The following TMEM87B variants were observed in gnomAD, a reference collection of about 807,000 sequenced individuals.
The protein encoded by TMEM87B is transmembrane protein 87B.
In TMEM87B, 83 loss-of-function variants were observed where a neutral mutation model predicts 80.3. The ratio of observed to expected loss-of-function variants is 1.03; its 90% CI spans 0.87 to 1.24. The LOEUF (loss-of-function observed/expected upper bound fraction) is 1.24, where lower values mean the gene tolerates loss of function less well. Ranked by LOEUF, TMEM87B falls within the 50% of genes most tolerant of loss-of-function variation. The pLI is 0.00. For missense variants in TMEM87B, 625 were observed against 674.4 expected (o/e 0.93, Z 0.81); for synonymous variants, 219 against 230.5 (o/e 0.95, Z 0.45).
At chr2:112,110,519 A>G (rs1679882301) in intron 17 of TMEM87B, among the ~76,000 whole-genome samples, 1 of 151,470 alleles carries the variant, frequency 6.6e-6, no homozygotes, top group Non-Finnish European at 1.5e-5. Flanking sequence ...TTTGATTTTC[A>G]TTTTCCTTCT....
At chr2:112,111,774 A>AT (rs1173571014) in intron 17 of TMEM87B, among the ~76,000 whole-genome samples, 2 of 152,216 alleles carry the variant, frequency 1.3e-5, no homozygotes, top group Non-Finnish European at 2.9e-5. Context: ...GTATTATGAG[A>AT]TATTGGTATG....
intron 4 of TMEM87B, among the ~76,000 whole-genome samples, chr2:112,074,111 A>AT (rs1482023256): frequency 1.3e-5 from 2 of 152,098 alleles, no homozygotes; most frequent in Non-Finnish European, 2.9e-5. Flanking sequence ...TGATCGTGTC[A>AT]TCATGTTGTT....
At chr2:112,092,499 A>C (rs968550069) in intron 11 of TMEM87B, among the ~76,000 whole-genome samples, 1 of 152,146 alleles carries the variant, frequency 6.6e-6, no homozygotes, top group Admixed American at 6.6e-5. Flanking sequence ...GTCAGTGAGA[A>C]CTCTGGTGAC....
Position 112,085,930 on chromosome 2 carries a change from C to T in TMEM87B, c.839-75C>T, listed in dbSNP as rs1213121198. 3 of 1,190,496 alleles carry T rather than the reference C, an allele frequency of 2.5e-6. No homozygotes were observed. In the African/African-American group the frequency reaches 4.5e-5, roughly 18 times the overall value. 73.7% of individuals were successfully genotyped at this position (1,190,496 alleles called of 1,614,324 possible). ...AGTTCGAATGTAGTTATACACAGGA[C>T]ATGTTGTTGAGAATCTTGGTTGGCA... On this transcript the variant is annotated intron_variant, in intron 8 of 18. Coordinates refer to ENST00000283206, the MANE Select transcript of TMEM87B (RefSeq NM_032824.3).
intron 13 of TMEM87B, 40 bp downstream of exon 13, chr2:112,097,331 A>G (rs1679501159): frequency 6.7e-7 from 1 of 1,483,712 alleles, no homozygotes; most frequent in Non-Finnish European, 9.2e-7. Flanking sequence ...ATTTTTATTT[A>G]TACTATTTTG....
At chr2:112,107,419 A>G (rs1454531647) in intron 16 of TMEM87B, among the ~76,000 whole-genome samples, 1 of 151,844 alleles carries the variant, frequency 6.6e-6, no homozygotes, top group Non-Finnish European at 1.5e-5. Context: ...TTATAAACTC[A>G]TTATATAAGA....
Position 112,117,247 on chromosome 2 carries a change from A to G in TMEM87B, c.*1104A>G, listed in dbSNP as rs1680048890. 3 of 152,198 alleles carry G rather than the reference A, an allele frequency of 2.0e-5. No individual in the cohort carries two copies. Among genetic ancestry groups the G allele is most frequent in the Non-Finnish European group, 4.4e-5 (3 of 68,036 alleles). 9.4% of individuals were successfully genotyped at this position (152,198 alleles called of 1,614,324 possible). ...AAAATGTGAATGTTTTGCTGCTTTC[A>G]TGACCAAAGATACAGGGCTAGTGGA... On this transcript the variant is annotated 3_prime_UTR_variant, in exon 19 of 19. Coordinates refer to ENST00000283206, the MANE Select transcript of TMEM87B (RefSeq NM_032824.3).
chr2:112,104,987 T>C lies in TMEM87B; in HGVS notation c.1451-1015T>C, dbSNP rs563703978. ...TATCTAAATCAGAGCAGTGGTTGCTTTTGGTGAGGTGGGGATTGACCAGAA... is the reference window on the plus strand; with the variant it reads ...TATCTAAATCAGAGCAGTGGTTGCTCTTGGTGAGGTGGGGATTGACCAGAA... On this transcript the variant is annotated intron_variant, in intron 15 of 18. Coordinates refer to ENST00000283206, the MANE Select transcript of TMEM87B (RefSeq NM_032824.3). Among the ~76,000 whole-genome samples, 5 of 152,176 alleles carry C rather than the reference T, an allele frequency of 3.3e-5. No homozygotes were observed. The South Asian group carries it at 1.0e-3, about 32-fold the overall frequency.
At chr2:112,060,575 C>T (rs1678222374) in intron 2 of TMEM87B, among the ~76,000 whole-genome samples, 1 of 150,194 alleles carries the variant, frequency 6.7e-6, no homozygotes. Flanking sequence ...CTTTCTCTGT[C>T]ACCCAGGCTG....
At chr2:112,091,902 G>T (rs928841755) in intron 11 of TMEM87B, 119 bp downstream of exon 11, 19 of 740,144 alleles carry the variant, frequency 2.6e-5, no homozygotes, top group African/African-American at 7.2e-5. Flanking sequence ...TAATACGAGG[G>T]TTCACTTGAA....
chr2:112,109,032 A>C (rs778107519), intron 17 of TMEM87B, among the ~76,000 whole-genome samples: 5 of 152,182 alleles, frequency 3.3e-5, no homozygotes, highest in Non-Finnish European at 7.4e-5. Context: ...ATGTCATCGC[A>C]TTTATGAGTT....
In TMEM87B at chr2:112,119,032, A is replaced by G. The variant is rs200562654; in HGVS notation, c.*2889A>G. The G allele has an allele frequency of 1.3e-5, 2 of 152,220 alleles. No individual in the cohort carries two copies. The highest frequency in any genetic ancestry group is 1.9e-4 in the East Asian group (1 of 5,200). 9.4% of individuals were successfully genotyped at this position (152,220 alleles called of 1,614,324 possible). ...TACTGGTTAAACATATTGAATGTATATAAGTGGCAAAACTAGATTTTTAAG... is the reference window on the plus strand; with the variant it reads ...TACTGGTTAAACATATTGAATGTATGTAAGTGGCAAAACTAGATTTTTAAG... On this transcript the variant is annotated 3_prime_UTR_variant, in exon 19 of 19. Coordinates refer to ENST00000283206, the MANE Select transcript of TMEM87B (RefSeq NM_032824.3).
intron 6 of TMEM87B, 126 bp downstream of exon 6, chr2:112,077,408 A>G (rs1678859388): frequency 6.7e-6 from 3 of 448,102 alleles, no homozygotes; most frequent in Non-Finnish European, 1.2e-5. Flanking sequence ...TTAATCATAC[A>G]TTTATTTTAG....
intron 15 of TMEM87B, 197 bp from the exon 16 acceptor site, chr2:112,105,805 T>C (rs1050550073): frequency 1.2e-5 from 5 of 417,918 alleles, no homozygotes; most frequent in Non-Finnish European, 2.1e-5. Flanking sequence ...TGACAAATAG[T>C]TTCCAAAAAT....
intron 18 of TMEM87B, among the ~76,000 whole-genome samples, chr2:112,115,795 T>C (rs1433909885): frequency 6.6e-6 from 1 of 152,126 alleles, no homozygotes; most frequent in African/African-American, 2.4e-5. Context: ...TATATGGTTA[T>C]TTTTTAATTT....
intron 2 of TMEM87B, 80 bp downstream of exon 2, chr2:112,060,117 G>A: frequency 7.3e-7 from 1 of 1,361,132 alleles, no homozygotes; most frequent in Non-Finnish European, 9.6e-7. Context: ...GGAGGCCGAG[G>A]CAGGTGGATC....
intron 11 of TMEM87B, among the ~76,000 whole-genome samples, chr2:112,094,681 C>G (rs1220743328): frequency 6.6e-6 from 1 of 152,068 alleles, no homozygotes; most frequent in East Asian, 1.9e-4. Flanking sequence ...AGATGAAAGA[C>G]TTAGTTTGCT....
intron 10 of TMEM87B, among the ~76,000 whole-genome samples, 199 bp downstream of exon 10, chr2:112,089,917 C>G (rs150996622): frequency 1.3e-5 from 2 of 152,342 alleles, no homozygotes; most frequent in East Asian, 3.9e-4. Context: ...AATGATATGA[C>G]TGATTGCGAA....
intron 11 of TMEM87B, among the ~76,000 whole-genome samples, chr2:112,093,587 G>A (rs907723199): frequency 1.3e-5 from 2 of 152,152 alleles, no homozygotes; most frequent in Non-Finnish European, 2.9e-5. Flanking sequence ...GTTCAGAGCT[G>A]CTAGTTCAGA....
Sources: gnomAD v4.1 joint callset for allele counts (sites outside exome capture counted in the v4.1 genomes callset) on GRCh38, gnomAD v4.1.1 for gene constraint, MANE v1.5 for transcripts, NCBI Gene and HGNC (gene_info 2026-07-23, HGNC 2026-07-21) for gene names.